LZTR1: variants seen among roughly 807,000 people sequenced by gnomAD.
The protein encoded by LZTR1 is leucine-zipper-like transcriptional regulator 1.
Under a neutral mutation model 105.7 loss-of-function variants are expected in LZTR1, and 260 were observed. The observed-to-expected ratio is 2.46, with a 90% confidence interval of 2.22 to 2.72. The LOEUF (loss-of-function observed/expected upper bound fraction) is 2.72. LZTR1 is among the 30% of genes most tolerant of loss of function. The pLI, the probability that LZTR1 is intolerant of heterozygous loss-of-function variation, is 0.00. For missense variants in LZTR1, 1,214 were observed against 1,166.9 expected (o/e 1.04, Z -0.59); for synonymous variants, 490 against 476.4 (o/e 1.03, Z -0.37).
rs1050873078 is a variant in LZTR1, at chr22:20,985,872, G to A, written c.295G>A (p.Asp99Asn). ...KTMLNDLLRF[D>N]VKDCSWCRAF... The stretch of plus-strand genomic sequence containing the variant: ...CATGCTCAATGACCTCCTGCGGTTC[G>A]ATGTGAAAGACTGCTCCTGGTGCAG... Residue 99 changes from aspartate (D) to asparagine (N), a missense_variant, in exon 3 of 21, where the codon GAT becomes AAT. Physicochemically the swap from Asp to Asn is conservative, Grantham distance 23. Coordinates refer to ENST00000646124, the MANE Select transcript of LZTR1 (RefSeq NM_006767.4). 6.2e-7 allele frequency: 1 copy of A among 1,614,146 alleles called. No individual in the cohort carries two copies. The highest frequency in any genetic ancestry group is 8.5e-7 in the Non-Finnish European group (1 of 1,180,018).
chr22:20,994,687 T>C lies in LZTR1; in HGVS notation c.1745T>C (p.Val582Ala), dbSNP rs1385855088. Residue 582 changes from valine to alanine, a missense_variant, in exon 15 of 21, where the codon GTG (valine) becomes GCG (alanine). By Grantham distance (64) the Val-to-Ala change is moderately conservative. Coordinates refer to ENST00000646124, the MANE Select transcript of LZTR1 (RefSeq NM_006767.4). ...ASVDLQNVLV[V>A]CESAARLQLS... ...GTGGACCTGCAGAACGTGCTGGTTGTGTGCGAGAGTGCCGCCCGGCTGCAG... is the reference window on the plus strand; with the variant it reads ...GTGGACCTGCAGAACGTGCTGGTTGCGTGCGAGAGTGCCGCCCGGCTGCAG... 1 of 1,612,750 alleles carries C rather than the reference T, an allele frequency of 6.2e-7. No individual in the cohort carries two copies.
intron 8 of LZTR1, 198 bp downstream of exon 8, chr22:20,990,723 A>G (rs1924579120): frequency 3.4e-6 from 2 of 586,946 alleles, no homozygotes; most frequent in Non-Finnish European, 2.9e-6. Flanking sequence ...GCTTAGCAAG[A>G]TAAGGCCTGG....
Position 20,992,310 on chromosome 22 carries a change from G to A in LZTR1, c.1090G>A (p.Val364Met), listed in dbSNP as rs755711408. 2 of 1,613,984 alleles carry A rather than the reference G, an allele frequency of 1.2e-6. No homozygotes were observed. Among genetic ancestry groups the A allele is most frequent in the East Asian group, 2.2e-5 (1 of 44,876 alleles). Residue 364 changes from valine to methionine, a missense_variant, in exon 10 of 21, where the codon GTG (valine) becomes ATG (methionine). Physicochemically the swap from Val to Met is conservative, Grantham distance 21 (BLOSUM62 1). Coordinates refer to ENST00000646124, the MANE Select transcript of LZTR1 (RefSeq NM_006767.4). The part of the protein sequence containing the change: ...ERVGFKKSRD[V>M]FGLDFGTTSA... ...GGTTGGCTTCAAGAAGTCCCGAGAT[G>A]TGTTTGGCCTGGACTTTGGCACCAC...
rs370105913 is a variant in LZTR1, at chr22:20,994,499, G to A, written c.1616-59G>A. 3.7e-4 allele frequency: 577 copies of A among 1,557,672 alleles called. 1 individual carries two copies. Among genetic ancestry groups the A allele is most frequent in the African/African-American group, 1.9e-3 (143 of 74,270 alleles). On this transcript the variant is annotated intron_variant, in intron 14 of 20. Coordinates refer to ENST00000646124, the MANE Select transcript of LZTR1 (RefSeq NM_006767.4). ...CACTCTTCCATGGGGGGAGCCCTGC[G>A]CCCTGTGCCCTGCCCTCCCCTCTCC...
Position 20,990,444 on chromosome 22 carries a change from G to A in LZTR1, c.710G>A (p.Arg237Gln), listed in dbSNP as rs773696598. The part of the protein sequence containing the change: ...SCCNFPVAVC[R>Q]DKMFVFSGQS... ...TGCAACTTCCCCGTGGCTGTGTGCCGGGACAAGATGTTTGTATTCTCTGGG... is the reference window on the plus strand; with the variant it reads ...TGCAACTTCCCCGTGGCTGTGTGCCAGGACAAGATGTTTGTATTCTCTGGG... Residue 237 changes from arginine (R) to glutamine (Q), a missense_variant, in exon 8 of 21, where the codon CGG (arginine) becomes CAG (glutamine). Coordinates refer to ENST00000646124, the MANE Select transcript of LZTR1 (RefSeq NM_006767.4). The A allele has an allele frequency of 6.0e-5, 97 of 1,613,946 alleles. No individual in the cohort carries two copies. The highest frequency in any genetic ancestry group is 1.7e-4 in the Admixed American group (10 of 59,992).
rs763396081 is a variant in LZTR1, at chr22:20,996,973, G to C, written c.2406+7G>C. The C allele has an allele frequency of 1.9e-6, 3 of 1,613,408 alleles. No homozygotes were observed. In the South Asian group the frequency reaches 3.3e-5, roughly 18 times the overall value. On this transcript the variant is annotated splice_region_variant and intron_variant, in intron 20 of 20. Transcript: ENST00000646124. ...TGTGCACCAGTTCACCAAGGTCAGGGCTCTGGCCTCCCCTTCAGGACTCGC... is the reference window on the plus strand; with the variant it reads ...TGTGCACCAGTTCACCAAGGTCAGGCCTCTGGCCTCCCCTTCAGGACTCGC...
Position 20,987,922 on chromosome 22 carries a change from G to A in LZTR1, c.401-88G>A, listed in dbSNP as rs1228857248. The A allele has an allele frequency of 9.9e-6, 8 of 809,100 alleles. No individual in the cohort carries two copies. The African/African-American group carries it at 1.2e-4, about 12-fold the overall frequency. The allele number at this position is 809,100 out of a possible 1,614,324, so 50.1% of individuals were successfully genotyped here. Reference sequence around the variant, plus strand: ...AGGAGTCCTGGCTTATGCATTTTCAGGGGGGCCAGATTCTGCTCCACCTTC... The same window carrying A: ...AGGAGTCCTGGCTTATGCATTTTCAAGGGGGCCAGATTCTGCTCCACCTTC... On this transcript the variant is annotated intron_variant, in intron 4 of 20. Transcript: ENST00000646124.
In LZTR1 at chr22:20,985,889, C is replaced by T. The variant is rs760542783; in HGVS notation, c.312C>T (p.Ser104=). 12 of 1,614,050 alleles carry T rather than the reference C, an allele frequency of 7.4e-6. No homozygotes were observed. In the South Asian group the frequency reaches 1.3e-4, roughly 18 times the overall value. ...DLLRFDVKDC[S]WCRAFTTGTP... Reference sequence around the variant, plus strand: ...TGCGGTTCGATGTGAAAGACTGCTCCTGGTGCAGGTGGGTGGCCCCGTGCT... The same window carrying T: ...TGCGGTTCGATGTGAAAGACTGCTCTTGGTGCAGGTGGGTGGCCCCGTGCT... The change falls in exon 3 of 21, where the codon TCC becomes TCT. Residue 104 remains serine (S), a synonymous_variant. Transcript: ENST00000646124.
chr22:20,988,759 C>T lies in LZTR1; in HGVS notation c.510-30C>T, dbSNP rs1310212461. ...GGCTCAGGTCTGTGCTGGGCGGCCT[C>T]ACTCCCTCCCCTCTTCCCTCACACT... On this transcript the variant is annotated intron_variant, in intron 5 of 20. Coordinates refer to ENST00000646124, the MANE Select transcript of LZTR1 (RefSeq NM_006767.4). 4.4e-6 allele frequency: 7 copies of T among 1,580,034 alleles called. No homozygotes were observed. The Admixed American group carries it at 8.3e-5, about 19-fold the overall frequency.
rs910656091 is a variant in LZTR1 at position 20,997,412 on chromosome 22, A to G, written c.*64A>G. On this transcript the variant is annotated 3_prime_UTR_variant, in exon 21 of 21. Coordinates refer to ENST00000646124, the MANE Select transcript of LZTR1 (RefSeq NM_006767.4). ...CCTGCCTGCCCTGCCTACTGAGAAG[A>G]CTACCGGCTATGCGCATGCCTATGG... The G allele has an allele frequency of 5.6e-6, 7 of 1,239,066 alleles. No homozygotes were observed. Among genetic ancestry groups the G allele is most frequent in the African/African-American group, 1.5e-5 (1 of 67,794 alleles). The allele number at this position is 1,239,066 out of a possible 1,614,324, so 76.8% of individuals were successfully genotyped here.
chr22:20,993,431 C>A (rs922787081), intron 11 of LZTR1: 2 of 584,342 alleles, frequency 3.4e-6, no homozygotes, highest in East Asian at 2.8e-5. Context: ...GGCAGGGGAG[C>A]CCTTTCCTGC....
intron 19 of LZTR1, 22 bp from the exon 20 acceptor site, chr22:20,996,864 C>T (rs780160801): frequency 1.2e-6 from 2 of 1,612,382 alleles, no homozygotes; most frequent in African/African-American, 2.7e-5. Context: ...GGGGCAGCGC[C>T]TCAAGGTCCC....
At position 20,991,615 on chromosome 22, in the gene LZTR1, T is replaced by A. The variant is rs761409339; in HGVS notation, c.792-13T>A. 5 of 1,562,814 alleles carry A rather than the reference T, an allele frequency of 3.2e-6. No individual in the cohort carries two copies. Among genetic ancestry groups the A allele is most frequent in the South Asian group, 2.3e-5 (2 of 86,204 alleles). ...CCCTGTCCCAGCATTGATTCACTGT[T>A]GTGTACCCCCAGGTGGACACGCATC... On this transcript the variant is annotated splice_polypyrimidine_tract_variant and intron_variant, in intron 8 of 20. Coordinates refer to ENST00000646124, the MANE Select transcript of LZTR1 (RefSeq NM_006767.4).
chr22:20,995,712 G>C, intron 16 of LZTR1, 34 bp from the exon 17 acceptor site: 1 of 1,612,188 alleles, frequency 6.2e-7, no homozygotes, highest in Non-Finnish European at 8.5e-7. Flanking sequence ...CAGAATCCCA[G>C]GCTGTACCTG....
intron 18 of LZTR1, 39 bp from the exon 19 acceptor site, chr22:20,996,657 G>T: frequency 6.3e-7 from 1 of 1,579,318 alleles, no homozygotes; most frequent in South Asian, 1.1e-5. Flanking sequence ...GGTGCGGGCG[G>T]ACCAGCTTCC....
Position 20,985,828 on chromosome 22 carries a change from G to T in LZTR1, c.264-13G>T. On this transcript the variant is annotated splice_polypyrimidine_tract_variant and intron_variant, in intron 2 of 20. Transcript: ENST00000646124. ...CCTGGCTAATGCCACCCTCTCTTCC[G>T]GCTGCCTTTCAGGAAGACCATGCTC... 6.2e-7 allele frequency: 1 copy of T among 1,613,942 alleles called. No homozygotes were observed. Among genetic ancestry groups the T allele is most frequent in the African/African-American group, 1.3e-5 (1 of 75,012 alleles).
Position 20,997,382 on chromosome 22 carries a change from C to T in LZTR1, c.*34C>T. 6.8e-7 allele frequency: 1 copy of T among 1,470,482 alleles called. No homozygotes were observed. Among genetic ancestry groups the T allele is most frequent in the Non-Finnish European group, 9.5e-7 (1 of 1,050,134 alleles). 91.1% of individuals were successfully genotyped at this position (1,470,482 alleles called of 1,614,324 possible). On this transcript the variant is annotated 3_prime_UTR_variant, in exon 21 of 21. Coordinates refer to ENST00000646124, the MANE Select transcript of LZTR1 (RefSeq NM_006767.4). ...GGCGCCTGCCCATTGTGAAGAATCG[C>T]CGTGCCTGCCTGCCCTGCCTACTGA...
intron 2 of LZTR1, among the ~76,000 whole-genome samples, chr22:20,983,977 C>T (rs1912563235): frequency 2.0e-5 from 3 of 152,368 alleles, no homozygotes; most frequent in African/African-American, 7.2e-5. Context: ...TGCTCCTCTG[C>T]CCTCAGTCCC....
intron 5 of LZTR1, 64 bp downstream of exon 5, chr22:20,988,182 T>C (rs1924467965): frequency 1.1e-5 from 11 of 998,128 alleles, no homozygotes; most frequent in South Asian, 2.7e-5. Flanking sequence ...ACCTGGGATC[T>C]GCCCCCTTTT....
Sources: gnomAD v4.1 joint callset for allele counts (sites outside exome capture counted in the v4.1 genomes callset) on GRCh38, gnomAD v4.1.1 for gene constraint, MANE v1.5 for transcripts, NCBI Gene and HGNC (gene_info 2026-07-23, HGNC 2026-07-21) for gene names.